The following PRH1 variants were observed in gnomAD, a reference collection of about 807,000 sequenced individuals.
The protein encoded by PRH1 is proline rich protein HaeIII subfamily 1.
PRH1 carries 7 observed loss-of-function variants against 7.9 expected under a neutral mutation model. The ratio of observed to expected loss-of-function variants is 0.89; its 90% CI spans 0.50 to 1.67. The LOEUF is 1.67. PRH1 is among the 40% of genes most tolerant of loss of function. The probability of loss-of-function intolerance (pLI) is 0.00; values close to 1 mark genes in which losing one functional copy is unlikely to be tolerated. For missense variants in PRH1, 109 were observed against 223.6 expected (o/e 0.49, Z 3.27); for synonymous variants, 45 against 80.8 (o/e 0.56, Z 2.38).
At chr12:11,171,588 C>A (rs1478966586), upstream of PRH1, 3 of 1,228,246 alleles carry the variant, frequency 2.4e-6, no homozygotes, top group Admixed American at 8.4e-5. Flanking sequence ...TAACGGCCTC[C>A]GGGGCCAGCA....
intron 1 of PRH1, chr12:10,997,642 T>C (rs1398207688): frequency 6.2e-7 from 1 of 1,613,700 alleles, no homozygotes. Flanking sequence ...TTATTACTTT[T>C]AAATTAGATG....
At chr12:11,075,365 T>C (rs1430575292) in intron 1 of PRH1, among the ~76,000 whole-genome samples, 1 of 117,372 alleles carries the variant, frequency 8.5e-6, no homozygotes, top group Non-Finnish European at 2.0e-5. Context: ...GCTTAACCAG[T>C]TGCAAAGTTT....
At chr12:11,000,090 T>C (rs899301039) in intron 1 of PRH1, among the ~76,000 whole-genome samples, 2 of 152,144 alleles carry the variant, frequency 1.3e-5, no homozygotes, top group African/African-American at 2.4e-5. Flanking sequence ...AAATGTGGTG[T>C]TCAAATTATC....
At chr12:11,056,992 G>A (rs1943386041) in intron 1 of PRH1, among the ~76,000 whole-genome samples, 1 of 151,992 alleles carries the variant, frequency 6.6e-6, no homozygotes, top group Middle Eastern at 3.2e-3. Context: ...TAAGACACCA[G>A]TAAGAACTTT....
Position 10,883,987 on chromosome 12 carries a change from G to A in PRH1, c.64+167C>T, listed in dbSNP as rs1352212886. Among the ~76,000 whole-genome samples the A allele has an allele frequency of 9.2e-5, 14 of 152,226 alleles. No individual in the cohort carries two copies. The South Asian group carries it at 1.0e-3, about 11-fold the overall frequency. On this transcript the variant is annotated intron_variant, in intron 1 of 3. Transcript: ENST00000543626. The stretch of plus-strand genomic sequence containing the variant: ...ATTTGTGCAACAAATAAACTATGAG[G>A]CCTTGATGAGGAATGGAGGTACAAT...
At chr12:10,909,468 C>A in intron 2 of PRH1, 1 of 593,030 alleles carries the variant, frequency 1.7e-6, no homozygotes. Context: ...GTTTGCTGAT[C>A]GATCTTCACA....
chr12:10,890,594 C>G (rs906947033), intron 2 of PRH1, among the ~76,000 whole-genome samples: 1 of 152,102 alleles, frequency 6.6e-6, no homozygotes, highest in Non-Finnish European at 1.5e-5. Context: ...TGTAGGCCTC[C>G]CCGGTGCAGT....
chr12:11,069,730 C>A (rs1263222714), intron 1 of PRH1, among the ~76,000 whole-genome samples: 1 of 152,152 alleles, frequency 6.6e-6, no homozygotes, highest in Non-Finnish European at 1.5e-5. Flanking sequence ...ACTTATAAAC[C>A]AAGAGCAAAA....
intron 1 of PRH1, among the ~76,000 whole-genome samples, chr12:11,005,247 T>C (rs1392544023): frequency 1.3e-5 from 2 of 152,198 alleles, no homozygotes; most frequent in Non-Finnish European, 2.9e-5. Context: ...TTTTTCATAC[T>C]GATGTTGAAG....
At chr12:11,005,930 A>G (rs973477388) in intron 1 of PRH1, 10 of 152,134 alleles carry the variant, frequency 6.6e-5, no homozygotes, top group Non-Finnish European at 1.3e-4. Flanking sequence ...TGAAGACTCT[A>G]GACTTCCCTT....
intron 1 of PRH1, among the ~76,000 whole-genome samples, chr12:11,151,087 G>A (rs1454429226): frequency 1.3e-5 from 2 of 152,130 alleles, no homozygotes; most frequent in African/African-American, 4.8e-5. Context: ...GCTCCAAGGA[G>A]ATGAGTGCAG....
At position 11,079,881 on chromosome 12, in the gene PRH1, A is replaced by T. The variant is rs1276568892; in HGVS notation, n.124-32693T>A. 1.7e-5 allele frequency among the ~76,000 whole-genome samples: 2 copies of T among 117,580 alleles called. 1 individual carries two copies. The highest frequency in any genetic ancestry group is 5.7e-5 in the African/African-American group (2 of 35,098). 77.1% of individuals were successfully genotyped at this position (117,580 alleles called of 152,430 possible). A position where few individuals can be genotyped will look rare whatever the true frequency, so the allele number is the denominator to read the frequency against. ...TTTTTCCCTTCGGTATATAATGAGC[A>T]GAGTAATAATAATTTTCATGGAATC... On this transcript the variant is annotated intron_variant and non_coding_transcript_variant, in intron 1 of 4. Coordinates refer to the PRH1 transcript ENST00000541977.
downstream of PRH1, among the ~76,000 whole-genome samples, chr12:11,116,460 G>A (rs562377894): frequency 1.3e-5 from 2 of 151,798 alleles, no homozygotes; most frequent in Admixed American, 1.3e-4. Context: ...CAAAGCCTGG[G>A]AGCAGATGGC....
upstream of PRH1, among the ~76,000 whole-genome samples, chr12:10,884,542 G>T (rs1184137085): frequency 6.6e-6 from 1 of 152,136 alleles, no homozygotes; most frequent in Admixed American, 6.5e-5. Flanking sequence ...ACATCTTTTG[G>T]TTTTCAATCT....
chr12:10,964,504 TC>T (rs1938407463), intron 2 of PRH1: 2 of 258,758 alleles, frequency 7.7e-6, no homozygotes, highest in African/African-American at 2.3e-5. Context: ...GCTTCTTGCT[TC>T]CCCAAATTAG....
rs1455130462 is a variant in PRH1, at chr12:11,096,440, AAACC to A, written n.124-49256_124-49253del. On this transcript the variant is annotated intron_variant and non_coding_transcript_variant, in intron 1 of 4. Coordinates refer to the PRH1 transcript ENST00000541977. ...TAAATCGTTTTCTAACGGAGAAACT[AAACC>A]AATATTCCTAAAATCAAGTTATTAA... 3.5e-5 allele frequency among the ~76,000 whole-genome samples: 4 copies of A among 115,902 alleles called. 2 individuals are homozygous for A. Among genetic ancestry groups the A allele is most frequent in the Non-Finnish European group, 8.1e-5 (4 of 49,106 alleles). The allele number at this position is 115,902 out of a possible 152,430, so 76.0% of individuals were successfully genotyped here.
At chr12:11,112,530 TAAACAGAACC>T (rs1945618616) in intron 1 of PRH1, among the ~76,000 whole-genome samples, 1 of 151,984 alleles carries the variant, frequency 6.6e-6, no homozygotes, top group Non-Finnish European at 1.5e-5. Flanking sequence ...ATCCATCACA[TAAACAGAACC>T]AATGACAAAA....
chr12:10,919,486 T>C (rs770317144), intron 2 of PRH1, among the ~76,000 whole-genome samples: 9 of 152,316 alleles, frequency 5.9e-5, no homozygotes, highest in Admixed American at 1.3e-4. Context: ...CTTAATGACA[T>C]GTGCTTCCTC....
intron 1 of PRH1, among the ~76,000 whole-genome samples, chr12:11,089,840 C>T (rs1241202273): frequency 0.017 from 1,408 of 82,210 alleles, 3 homozygotes; most frequent in Middle Eastern, 0.034. Context: ...TTGTCTCCAA[C>T]TCAGACACCT....
Sources: gnomAD v4.1 joint callset for allele counts (sites outside exome capture counted in the v4.1 genomes callset) on GRCh38, gnomAD v4.1.1 for gene constraint, MANE v1.5 for transcripts, NCBI Gene and HGNC (gene_info 2026-07-23, HGNC 2026-07-21) for gene names.